PGR: variants seen among roughly 807,000 people sequenced by gnomAD.
The protein encoded by PGR is nuclear receptor subfamily 3 group C member 3.
Under a neutral mutation model 76.1 loss-of-function variants are expected in PGR, and 25 were observed. The observed-to-expected ratio is 0.33, with a 90% CI of 0.24 to 0.46. The LOEUF (loss-of-function observed/expected upper bound fraction) is 0.46. PGR is among the 20% of genes least tolerant of loss of function. PGR has a pLI of 1.00. For synonymous variants in PGR, 579 were observed against 535.0 expected (o/e 1.08, Z -1.14); for missense variants, 1,172 against 1,225.3 (o/e 0.96, Z 0.65).
Position 101,128,429 on chromosome 11 carries a change from C to T in PGR, c.642G>A (p.Pro214=), listed in dbSNP as rs1862965521. The T allele has an allele frequency of 1.9e-6, 3 of 1,610,650 alleles. No individual in the cohort carries two copies. In the African/African-American group the frequency reaches 4.0e-5, roughly 21 times the overall value. The change falls in exon 1 of 8, where the codon CCG becomes CCA. Residue 214 remains proline (P), a synonymous_variant. Coordinates refer to ENST00000325455, the MANE Select transcript of PGR (RefSeq NM_000926.4). ...CCTCAACCTCCACCGCAGCGGCCTG[C>T]GGAGACGGCTTCACTGGGGCCCCGG... ...HWSGAPVKPS[P]QAAAVEVEEE...
Position 101,032,863 on chromosome 11 carries a change from G to C in PGR, c.*6253C>G, listed in dbSNP as rs1420896926. 1.1e-5 allele frequency: 2 copies of C among 187,798 alleles called. No homozygotes were observed. The highest frequency in any genetic ancestry group is 4.7e-5 in the African/African-American group (2 of 42,790). 11.6% of individuals were successfully genotyped at this position (187,798 alleles called of 1,614,324 possible). Reference sequence around the variant, plus strand: ...CTGGTAATCTCCACAATCTAGCAGAGTGACTGGCATACAGCACAGTAAAGG... The same window carrying C: ...CTGGTAATCTCCACAATCTAGCAGACTGACTGGCATACAGCACAGTAAAGG... On this transcript the variant is annotated 3_prime_UTR_variant, in exon 8 of 8. Coordinates refer to ENST00000325455, the MANE Select transcript of PGR (RefSeq NM_000926.4).
rs1223340404 is a variant in PGR, at chr11:101,034,182, A to G, written c.*4934T>C. 1 of 224,976 alleles carries G rather than the reference A, an allele frequency of 4.4e-6. No homozygotes were observed. The highest frequency in any genetic ancestry group is 8.9e-6 in the Non-Finnish European group (1 of 112,904). The allele number at this position is 224,976 out of a possible 1,614,324, so 13.9% of individuals were successfully genotyped here. ...CTCCCATGTCTCCATGAGTGGAAAA[A>G]AAGCAAACAAACCTGTGTTTAACAA... is the stretch of plus-strand genomic sequence containing the variant. On this transcript the variant is annotated 3_prime_UTR_variant, in exon 8 of 8. Transcript: ENST00000325455.
At position 101,035,507 on chromosome 11, in the gene PGR, T is replaced by A. The variant is rs1229674212; in HGVS notation, c.*3609A>T. 8.6e-6 allele frequency: 2 copies of A among 232,252 alleles called. No individual in the cohort carries two copies. Among genetic ancestry groups the A allele is most frequent in the African/African-American group, 4.4e-5 (2 of 45,418 alleles). The allele number at this position is 232,252 out of a possible 1,614,324, so 14.4% of individuals were successfully genotyped here. A position where few individuals can be genotyped will look rare whatever the true frequency, so the allele number is the denominator to read the frequency against. On this transcript the variant is annotated 3_prime_UTR_variant, in exon 8 of 8. Transcript: ENST00000325455. Reference sequence around the variant, plus strand: ...TTAGGGATAGGGATGTTTTTTGGGTTGATGACTTCATTGTAATTTCTAAAC... The same window carrying A: ...TTAGGGATAGGGATGTTTTTTGGGTAGATGACTTCATTGTAATTTCTAAAC...
chr11:101,085,524 C>CAAAAAAAAA (rs1861463966), intron 3 of PGR, among the ~76,000 whole-genome samples: 2 of 14,304 alleles, frequency 1.4e-4, no homozygotes, highest in African/African-American at 2.8e-4. Context: ...CCTAGAGGAA[C>CAAAAAAAAA]TAAAAAAAAA....
intron 3 of PGR, among the ~76,000 whole-genome samples, chr11:101,072,183 A>G (rs1194374750): frequency 6.6e-6 from 1 of 152,172 alleles, no homozygotes; most frequent in East Asian, 1.9e-4. Context: ...CAACATTTCT[A>G]AAGAAAAGAA....
In PGR at chr11:101,058,120, A is replaced by G. The variant is rs183297389; in HGVS notation, c.2212+4327T>C. On this transcript the variant is annotated intron_variant, in intron 4 of 7. Transcript: ENST00000325455. Reference sequence around the variant, plus strand: ...CTGGAAGGGAAGTGACAAATACCTAAGCAAGAGTCTTAGCAAGAAATAGTT... The same window carrying G: ...CTGGAAGGGAAGTGACAAATACCTAGGCAAGAGTCTTAGCAAGAAATAGTT... 2.9e-3 allele frequency among the ~76,000 whole-genome samples: 442 copies of G among 152,322 alleles called. 2 individuals carry two copies. The highest frequency in any genetic ancestry group is 0.019 in the South Asian group (94 of 4,826).
intron 2 of PGR, among the ~76,000 whole-genome samples, chr11:101,124,797 A>G (rs2135508420): frequency 1.3e-5 from 2 of 152,284 alleles, no homozygotes; most frequent in Non-Finnish European, 2.9e-5. Context: ...TTTCTCAAGT[A>G]CCACTTTTAA....
Position 101,051,431 on chromosome 11 carries a change from G to A in PGR, c.2350C>T (p.Leu784=), listed in dbSNP as rs1425835797. 1 of 1,604,566 alleles carries A rather than the reference G, an allele frequency of 6.2e-7. No homozygotes were observed. Among genetic ancestry groups the A allele is most frequent in the Non-Finnish European group, 8.5e-7 (1 of 1,171,852 alleles). ...QMLYFAPDLI[L]NEQRMKESSF... ...ACAAAAGTTACTACTTACTCATTTA[G>A]TATTAGATCAGGTGCAAAATACAGC... is the stretch of plus-strand genomic sequence containing the variant. The change falls in exon 5 of 8, where the codon CTA becomes TTA. Residue 784 remains leucine, a synonymous_variant. Transcript: ENST00000325455.
At chr11:101,057,594 G>C (rs920461541) in intron 4 of PGR, among the ~76,000 whole-genome samples, 2 of 152,150 alleles carry the variant, frequency 1.3e-5, no homozygotes, top group Non-Finnish European at 2.9e-5. Context: ...TCAGTCAGGA[G>C]GCTGCAACAT....
At position 101,129,394 on chromosome 11, in the gene PGR, TTC is replaced by T; in HGVS notation, c.-326_-325del. ...GAGTTCTCCAAGAGAGTTCTCCAAC[TTC>T]TGTCCGAGGACTGGAGACGCAGAGT... On this transcript the variant is annotated 5_prime_UTR_variant, in exon 1 of 8. Coordinates refer to ENST00000325455, the MANE Select transcript of PGR (RefSeq NM_000926.4). 3.1e-6 allele frequency: 1 copy of T among 322,972 alleles called. No homozygotes were observed. The highest frequency in any genetic ancestry group is 2.1e-5 in the African/African-American group (1 of 48,118). The allele number at this position is 322,972 out of a possible 1,614,324, so 20.0% of individuals were successfully genotyped here.
intron 4 of PGR, among the ~76,000 whole-genome samples, chr11:101,053,607 C>T (rs1243459292): frequency 1.1e-5 from 1 of 93,088 alleles, no homozygotes; most frequent in Non-Finnish European, 2.4e-5. Flanking sequence ...TCCCCTTCTC[C>T]CTCCTTTCTT....
At position 101,127,753 on chromosome 11, in the gene PGR, T is replaced by C. The variant is rs1862912262; in HGVS notation, c.1318A>G (p.Thr440Ala). The change falls in exon 1 of 8, where the codon ACG (threonine) becomes GCG (alanine). Residue 440 changes from threonine to alanine, a missense_variant. Physicochemically the swap from Thr to Ala is moderately conservative, Grantham distance 58. Transcript: ENST00000325455. ...ACTGAGGCACTGGCGGGTGCGGCCG[T>C]CACCGCCGCTTCCCCGGGTCTGGAT... The part of the protein sequence containing the change: ...TPSRPGEAAV[T>A]AAPASASVSS... The C allele has an allele frequency of 6.4e-7, 1 of 1,554,110 alleles. No homozygotes were observed. Among genetic ancestry groups the C allele is most frequent in the African/African-American group, 1.3e-5 (1 of 74,246 alleles).
Position 101,039,239 on chromosome 11 carries a change from A to G in PGR, c.2679T>C (p.Asn893=). ...TCAGTGCCCGGGACTGGATAAATGTATTCAAGCAGTACAGATGAAGTTGTT... is the reference window on the plus strand; with the variant it reads ...TCAGTGCCCGGGACTGGATAAATGTGTTCAAGCAGTACAGATGAAGTTGTT... ...LVKQLHLYCL[N]TFIQSRALSV... is the part of the protein sequence containing the mutation. Residue 893 remains asparagine, a synonymous_variant, in exon 8 of 8, where the codon AAT becomes AAC. Coordinates refer to ENST00000325455, the MANE Select transcript of PGR (RefSeq NM_000926.4). 1 of 1,611,486 alleles carries G rather than the reference A, an allele frequency of 6.2e-7. No individual in the cohort carries two copies.
intron 4 of PGR, among the ~76,000 whole-genome samples, chr11:101,062,086 T>C (rs936729368): frequency 3.9e-5 from 6 of 152,130 alleles, no homozygotes; most frequent in African/African-American, 1.4e-4. Flanking sequence ...CCAAATGAGG[T>C]TGGTTGAATT....
intron 2 of PGR, among the ~76,000 whole-genome samples, chr11:101,125,539 G>A (rs1862811584): frequency 6.6e-6 from 1 of 152,106 alleles, no homozygotes; most frequent in South Asian, 2.1e-4. Flanking sequence ...GTATCATGTA[G>A]AAAACTGCAT....
chr11:101,090,871 A>G (rs1381050888), intron 3 of PGR, among the ~76,000 whole-genome samples: 1 of 152,234 alleles, frequency 6.6e-6, no homozygotes, highest in Non-Finnish European at 1.5e-5. Flanking sequence ...TACGCTTTAA[A>G]CTTGACAAGC....
At chr11:101,075,716 GA>G (rs926718012) in intron 3 of PGR, among the ~76,000 whole-genome samples, 2 of 151,050 alleles carry the variant, frequency 1.3e-5, no homozygotes, top group Non-Finnish European at 1.5e-5. Context: ...CAATAAACAT[GA>G]AAAAAAAGCT....
At chr11:101,059,455 T>C (rs911961722) in intron 4 of PGR, among the ~76,000 whole-genome samples, 3 of 152,208 alleles carry the variant, frequency 2.0e-5, no homozygotes, top group South Asian at 2.1e-4. Flanking sequence ...TAAAAGCCCA[T>C]GCAAAATCAC....
intron 3 of PGR, among the ~76,000 whole-genome samples, chr11:101,072,295 C>T (rs566109410): frequency 1.6e-4 from 24 of 152,236 alleles, no homozygotes; most frequent in Admixed American, 1.2e-3. Context: ...TTTGTCACCA[C>T]GAGGCCTGCC....
Sources: gnomAD v4.1 joint callset for allele counts (sites outside exome capture counted in the v4.1 genomes callset) on GRCh38, gnomAD v4.1.1 for gene constraint, MANE v1.5 for transcripts, NCBI Gene and HGNC (gene_info 2026-07-23, HGNC 2026-07-21) for gene names.